ATAD3A: variants seen among roughly 807,000 people sequenced by gnomAD.
ATAD3A encodes the protein ATPase family AAA domain containing 3A.
ATAD3A carries 46 observed loss-of-function variants against 73.8 expected under a neutral mutation model. The ratio of observed to expected loss-of-function variants is 0.62; its 90% CI spans 0.49 to 0.80. The LOEUF (loss-of-function observed/expected upper bound fraction) is 0.80, where lower values mean the gene tolerates loss of function less well. Among genes scored for constraint, ATAD3A ranks in the 30% least tolerant of loss-of-function variants. ATAD3A has a pLI of 0.00. For missense variants in ATAD3A, 705 were observed against 838.0 expected, an observed-to-expected ratio of 0.84 and a Z score of 1.96; for synonymous variants, 319 against 350.0, an observed-to-expected ratio of 0.91 and a Z score of 0.99.
At position 1,523,291 on chromosome 1, in the gene ATAD3A, G is replaced by A. The variant is rs955567927; in HGVS notation, c.907-220G>A. Among the ~76,000 whole-genome samples the A allele has an allele frequency of 4.6e-5, 7 of 152,164 alleles. No individual in the cohort carries two copies. Among genetic ancestry groups the A allele is most frequent in the Non-Finnish European group, 1.0e-4 (7 of 68,030 alleles). ...CTCTCCACAGGTCACTGGGTAGGTG[G>A]TTAAGAAAATAAAAGCCAATAAGGA... On this transcript the variant is annotated intron_variant, in intron 8 of 15. Coordinates refer to ENST00000378756, the MANE Select transcript of ATAD3A (RefSeq NM_001170535.3). This position sits in a 1 kb window ranked among gnomAD's most constrained non-coding sequence, Gnocchi z 5.1.
chr1:1,520,261 G>T lies in ATAD3A; in HGVS notation c.635G>T (p.Arg212Leu). 6.2e-7 allele frequency: 1 copy of T among 1,613,006 alleles called. No individual in the cohort carries two copies. The highest frequency in any genetic ancestry group is 1.1e-5 in the South Asian group (1 of 91,060). ...ENADIIREQI[R>L]LKAAEHRQTV... is the part of the protein sequence containing the mutation. ...GCAGACATCATCCGCGAGCAGATCC[G>T]CCTGAAGGCGGCCGAGCACCGTCAG... Residue 212 changes from arginine to leucine, a missense_variant, in exon 6 of 16, where the codon CGC becomes CTC. Physicochemically the swap from Arg to Leu is moderately radical, Grantham distance 102 (BLOSUM62 -2). Around this residue, in one of 5 missense-constraint regions of ATAD3A, gnomAD observed 315 missense variants for 334.1 expected, o/e 0.94. Transcript: ENST00000378756. This position sits in a 1 kb window ranked among gnomAD's most constrained non-coding sequence, Gnocchi z 4.0.
chr1:1,518,697 G>A (rs1470069224), intron 4 of ATAD3A, among the ~76,000 whole-genome samples: 5 of 96,958 alleles, frequency 5.2e-5, no homozygotes, highest in Admixed American at 3.1e-4. Flanking sequence ...ACACCCAAAC[G>A]GGTGCACAAC....
In ATAD3A at chr1:1,512,392, G is replaced by T; in HGVS notation, c.124G>T (p.Ala42Ser). 8.1e-7 allele frequency: 1 copy of T among 1,238,264 alleles called. No homozygotes were observed. The highest frequency in any genetic ancestry group is 3.3e-5 in the East Asian group (1 of 30,148). 76.7% of individuals were successfully genotyped at this position (1,238,264 alleles called of 1,614,324 possible). A position where few individuals can be genotyped will look rare whatever the true frequency, so the allele number is the denominator to read the frequency against. Residue 42 changes from alanine to serine, a missense_variant, in exon 1 of 16, where the codon GCG becomes TCG. Physicochemically the swap from Ala to Ser is moderately conservative, Grantham distance 99. Coordinates refer to ENST00000378756, the MANE Select transcript of ATAD3A (RefSeq NM_001170535.3). ...GGDRGLGDRP[A>S]PKDKWSNFDP... The stretch of plus-strand genomic sequence containing the variant: ...GGACCGCGGGTTGGGAGACCGGCCG[G>T]CGCCCAAGGACAAATGGAGCAACTT...
chr1:1,526,948 C>T (rs1641867787), intron 13 of ATAD3A, among the ~76,000 whole-genome samples: 1 of 152,120 alleles, frequency 6.6e-6, no homozygotes, highest in Non-Finnish European at 1.5e-5. Context: ...ACCAGCAGGT[C>T]CTGTGTGTCG....
chr1:1,518,047 G>A (rs1641426586), intron 4 of ATAD3A, among the ~76,000 whole-genome samples: 1 of 151,012 alleles, frequency 6.6e-6, no homozygotes, highest in Non-Finnish European at 1.5e-5. Context: ...ACAGACAGGT[G>A]CACCCACTTC....
At chr1:1,525,403 T>G in intron 12 of ATAD3A, 112 bp downstream of exon 12, 5 of 1,319,614 alleles carry the variant, frequency 3.8e-6, no homozygotes, top group Non-Finnish European at 5.2e-6. Flanking sequence ...AAGCTTTGTG[T>G]GAAAAACAGC....
rs571740473 is a variant in ATAD3A, at chr1:1,520,650, G to T, written c.750+33G>T. 9.3e-6 allele frequency: 15 copies of T among 1,613,060 alleles called. No homozygotes were observed. The East Asian group carries it at 2.0e-4, about 22-fold the overall frequency. ...TACTCATAAAACAGGGCTGGCAGGT[G>T]GCTGAGGGGCAGCATGTGGGGGCCT... On this transcript the variant is annotated intron_variant, in intron 7 of 15. Coordinates refer to ENST00000378756, the MANE Select transcript of ATAD3A (RefSeq NM_001170535.3). The surrounding 1 kb of genome is among the most constrained non-coding windows in gnomAD (Gnocchi z 4.0).
Position 1,517,382 on chromosome 1 carries a change from C to T in ATAD3A, c.354C>T (p.Thr118=). 6 of 1,528,668 alleles carry T rather than the reference C, an allele frequency of 3.9e-6. No homozygotes were observed. Among genetic ancestry groups the T allele is most frequent in the African/African-American group, 1.5e-5 (1 of 66,958 alleles). The allele number at this position is 1,528,668 out of a possible 1,614,324, so 94.7% of individuals were successfully genotyped here. ...IRAQAEERRK[T]LSEETRQHQA... ...CGCAGGCTGAGGAGAGGAGGAAGACCCTGAGCGAGGAGACCCGGCAGCACC... is the reference window on the plus strand; with the variant it reads ...CGCAGGCTGAGGAGAGGAGGAAGACTCTGAGCGAGGAGACCCGGCAGCACC... The change falls in exon 3 of 16, where the codon ACC becomes ACT. Residue 118 remains threonine, a synonymous_variant. Coordinates refer to ENST00000378756, the MANE Select transcript of ATAD3A (RefSeq NM_001170535.3).
rs760069436 is a variant in ATAD3A at position 1,520,594 on chromosome 1, G to C, written c.727G>C (p.Asp243His). Residue 243 changes from aspartate to histidine, a missense_variant, in exon 7 of 16, where the codon GAC (aspartate) becomes CAC (histidine). Coordinates refer to ENST00000378756, the MANE Select transcript of ATAD3A (RefSeq NM_001170535.3). The surrounding 1 kb of genome is among the most constrained non-coding windows in gnomAD (Gnocchi z 4.0). ...GGAAGGATTCCGTGCCTTTGTGACA[G>C]ACTGGGACAAAGTGACAGCCACGGT... ...FGEGFRAFVT[D>H]WDKVTATVAG... 6.2e-7 allele frequency: 1 copy of C among 1,613,724 alleles called. No homozygotes were observed. The highest frequency in any genetic ancestry group is 1.1e-5 in the South Asian group (1 of 91,054).
At chr1:1,517,249 A>G in intron 2 of ATAD3A, 62 bp from the exon 3 acceptor site, 1 of 1,546,862 alleles carries the variant, frequency 6.5e-7, no homozygotes, top group Non-Finnish European at 8.7e-7. Context: ...CAGACACAGG[A>G]GCGGCTGTCA....
intron 15 of ATAD3A, among the ~76,000 whole-genome samples, chr1:1,530,878 G>A (rs1452144069): frequency 1.3e-5 from 2 of 150,346 alleles, no homozygotes; most frequent in Non-Finnish European, 3.0e-5. Context: ...TGGAACGAGT[G>A]CGGTGGCTCA....
chr1:1,517,155 T>C, intron 2 of ATAD3A, 156 bp from the exon 3 acceptor site: 1 of 1,548,918 alleles, frequency 6.5e-7, no homozygotes, highest in Non-Finnish European at 8.7e-7. Context: ...CAGGGCCTGA[T>C]CCTGGGTGCA....
chr1:1,523,383 G>C lies in ATAD3A; in HGVS notation c.907-128G>C, dbSNP rs1038096321. The C allele has an allele frequency of 1.4e-6, 2 of 1,461,506 alleles. No individual in the cohort carries two copies. Among genetic ancestry groups the C allele is most frequent in the African/African-American group, 1.4e-5 (1 of 71,164 alleles). The allele number at this position is 1,461,506 out of a possible 1,614,324, so 90.5% of individuals were successfully genotyped here. A position where few individuals can be genotyped will look rare whatever the true frequency, so the allele number is the denominator to read the frequency against. ...CCGGGCGGGGCAGGGTTCCAGCTCC[G>C]GGCCGGTCCTGGCTGTGCTTTGGGG... On this transcript the variant is annotated intron_variant, in intron 8 of 15. Coordinates refer to ENST00000378756, the MANE Select transcript of ATAD3A (RefSeq NM_001170535.3). This position sits in a 1 kb window ranked among gnomAD's most constrained non-coding sequence, Gnocchi z 5.1.
At chr1:1,524,948 T>G (rs1396476249) in intron 11 of ATAD3A, among the ~76,000 whole-genome samples, 1 of 152,288 alleles carries the variant, frequency 6.6e-6, no homozygotes, top group African/African-American at 2.4e-5. Context: ...TCGTGGACTC[T>G]AAGCGGCCAC....
At position 1,534,404 on chromosome 1, in the gene ATAD3A, C is replaced by T. The variant is rs917690790; in HGVS notation, c.*332C>T. ...CTGTGAGGGTGGGTGCTGGCTGAGCCCCCGGGGCAGCAGGAGCCAGGCAGG... is the reference window on the plus strand; with the variant it reads ...CTGTGAGGGTGGGTGCTGGCTGAGCTCCCGGGGCAGCAGGAGCCAGGCAGG... On this transcript the variant is annotated 3_prime_UTR_variant, in exon 16 of 16. Coordinates refer to ENST00000378756, the MANE Select transcript of ATAD3A (RefSeq NM_001170535.3). 97 of 1,310,162 alleles carry T rather than the reference C, an allele frequency of 7.4e-5. No individual in the cohort carries two copies. The highest frequency in any genetic ancestry group is 3.5e-4 in the Admixed American group (10 of 28,656). 81.2% of individuals were successfully genotyped at this position (1,310,162 alleles called of 1,614,324 possible).
At chr1:1,516,786 C>T (rs1211396724) in intron 2 of ATAD3A, among the ~76,000 whole-genome samples, 2 of 152,024 alleles carry the variant, frequency 1.3e-5, no homozygotes, top group African/African-American at 4.8e-5. Context: ...GGCGTGATCT[C>T]AGCTCACCGC....
rs763409058 is a variant in ATAD3A at position 1,518,957 on chromosome 1, G to T, written c.481G>T (p.Glu161Ter). Residue 161 changes from glutamate (E) to a stop codon, truncating the protein, a stop_gained, in exon 5 of 16, where the codon GAG becomes TAG. Transcript: ENST00000378756. LOFTEE classifies it high-confidence loss of function. ...TGAGGAGAATTTACGGAAGCAGGAG[G>T]AGTCCGTGCAGAAGCAGGAAGCCAT... Reference protein sequence around the residue: ...LNEENLRKQEESVQKQEAMRR... With the variant: ...LNEENLRKQE The T allele has an allele frequency of 2.5e-6, 4 of 1,614,168 alleles. No individual in the cohort carries two copies. The Admixed American group carries it at 6.7e-5, about 27-fold the overall frequency.
intron 2 of ATAD3A, 95 bp from the exon 3 acceptor site, chr1:1,517,216 G>C: frequency 2.6e-6 from 4 of 1,545,246 alleles, no homozygotes; most frequent in Non-Finnish European, 3.5e-6. Flanking sequence ...TGGGCATGGA[G>C]TCTCTGCCGT....
chr1:1,530,353 G>T (rs1010834213), intron 15 of ATAD3A, among the ~76,000 whole-genome samples: 2 of 152,186 alleles, frequency 1.3e-5, no homozygotes, highest in African/African-American at 2.4e-5. Context: ...GGAAAGCAAG[G>T]CAAGACCCCA....
Sources: allele counts gnomAD v4.1 joint callset (sites outside exome capture counted in the v4.1 genomes callset), GRCh38; gene constraint gnomAD v4.1.1; regional missense constraint gnomAD v4.1.1; non-coding constraint Gnocchi (gnomAD v3.1); transcripts MANE v1.5; gene names NCBI Gene and HGNC (gene_info 2026-07-23, HGNC 2026-07-21).